Variants in MACROD2 observed in about 807,000 individuals in gnomAD.
The protein encoded by MACROD2 is ADP-ribose glycohydrolase MACROD2.
Under a neutral mutation model 70.4 loss-of-function variants are expected in MACROD2, and 36 were observed. That is an observed-to-expected ratio of 0.51 (90% CI 0.39 to 0.68). The LOEUF is 0.68. Ranked by LOEUF, MACROD2 falls within the 30% of genes least tolerant of loss-of-function variation. The probability of loss-of-function intolerance (pLI) is 0.00; values close to 1 mark genes in which losing one functional copy is unlikely to be tolerated. For synonymous variants in MACROD2, 172 were observed against 178.8 expected (o/e 0.96, Z 0.30); for missense variants, 496 against 538.4 (o/e 0.92, Z 0.78).
chr20:14,954,645 A>T (rs1257934869), intron 5 of MACROD2, among the ~76,000 whole-genome samples: 2 of 130,070 alleles, frequency 1.5e-5, no homozygotes, highest in South Asian at 4.4e-4. Context: ...AATATATAAT[A>T]TATATAATTT....
intron 2 of MACROD2, among the ~76,000 whole-genome samples, chr20:14,069,126 T>G (rs1367281518): frequency 6.6e-6 from 1 of 152,134 alleles, no homozygotes; most frequent in Non-Finnish European, 1.5e-5. Context: ...CTTTGTATTT[T>G]TAGTAGAAAT....
intron 5 of MACROD2, among the ~76,000 whole-genome samples, chr20:15,187,116 G>C (rs2076539693): frequency 6.6e-6 from 1 of 152,178 alleles, no homozygotes; most frequent in Admixed American, 6.5e-5. Context: ...CACTGCTTCA[G>C]ATCTCACTGG....
intron 3 of MACROD2, among the ~76,000 whole-genome samples, chr20:14,135,620 G>A (rs1223168567): frequency 6.6e-6 from 1 of 152,094 alleles, no homozygotes; most frequent in Non-Finnish European, 1.5e-5. Flanking sequence ...AGGTTGCAAT[G>A]AGCTATGATT....
Position 15,378,114 on chromosome 20 carries a change from T to C in MACROD2, c.541-53291T>C, listed in dbSNP as rs61017395. On this transcript the variant is annotated intron_variant, in intron 6 of 17. Transcript: ENST00000684519. ...ATGTAACAAACCTGCACGTTCTGCA[T>C]ATGTATCCCAGAACTTAAGCTATAA... 1.7e-3 allele frequency among the ~76,000 whole-genome samples: 254 copies of C among 151,348 alleles called. 1 individual carries two copies. Among genetic ancestry groups the C allele is most frequent in the African/African-American group, 5.8e-3 (238 of 41,170 alleles).
intron 4 of MACROD2, among the ~76,000 whole-genome samples, chr20:14,650,753 A>T (rs1237284496): frequency 6.6e-6 from 1 of 152,202 alleles, no homozygotes. Flanking sequence ...CATTGTTTAA[A>T]AAACATTGTT....
At chr20:14,530,785 A>C (rs2085293590) in intron 4 of MACROD2, among the ~76,000 whole-genome samples, 1 of 152,220 alleles carries the variant, frequency 6.6e-6, no homozygotes, top group Middle Eastern at 3.2e-3. Flanking sequence ...TTTCTCATTT[A>C]TGGCATACGT....
chr20:15,211,046 A>G (rs2076759324), intron 5 of MACROD2, among the ~76,000 whole-genome samples: 1 of 152,226 alleles, frequency 6.6e-6, no homozygotes, highest in African/African-American at 2.4e-5. Context: ...ATCTAATTCC[A>G]GAATATTTTT....
chr20:15,813,202 A>G (rs1485910613), intron 8 of MACROD2, among the ~76,000 whole-genome samples: 3 of 152,218 alleles, frequency 2.0e-5, no homozygotes, highest in Non-Finnish European at 4.4e-5. Context: ...CTAACTCAGC[A>G]ACTCAAAACC....
At chr20:14,535,787 G>A (rs1041624433) in intron 4 of MACROD2, among the ~76,000 whole-genome samples, 1 of 152,114 alleles carries the variant, frequency 6.6e-6, no homozygotes, top group Non-Finnish European at 1.5e-5. Context: ...TGTACCAACA[G>A]GCTTAAGCAT....
intron 1 of MACROD2, chr20:13,996,230 G>A (rs1216214377): frequency 1.4e-5 from 3 of 216,588 alleles, no homozygotes; most frequent in African/African-American, 2.4e-5. Context: ...TCAGGCTGCA[G>A]CTGCCGCTGT....
At chr20:15,470,606 G>A (rs1003295117) in intron 7 of MACROD2, among the ~76,000 whole-genome samples, 1 of 152,018 alleles carries the variant, frequency 6.6e-6, no homozygotes, top group Non-Finnish European at 1.5e-5. Flanking sequence ...ATCCCATCTT[G>A]GCTTGTGTCC....
chr20:14,308,702 A>G (rs1397147409), intron 3 of MACROD2, among the ~76,000 whole-genome samples: 4 of 152,174 alleles, frequency 2.6e-5, no homozygotes, highest in Non-Finnish European at 4.4e-5. Context: ...TCTCTGCCAC[A>G]TATTACAGTG....
At chr20:14,707,238 A>C (rs1339379348) in intron 5 of MACROD2, among the ~76,000 whole-genome samples, 1 of 152,144 alleles carries the variant, frequency 6.6e-6, no homozygotes, top group Non-Finnish European at 1.5e-5. Context: ...ACGGAGGAGC[A>C]CTGAGGGCAG....
intron 6 of MACROD2, among the ~76,000 whole-genome samples, chr20:15,327,666 ACAATT>A (rs1200157532): frequency 1.3e-5 from 2 of 152,100 alleles, no homozygotes; most frequent in Non-Finnish European, 2.9e-5. Context: ...TATGGGAACT[ACAATT>A]CAAGATGAAA....
At chr20:14,862,568 T>TATATATAA (rs2073370269) in intron 5 of MACROD2, among the ~76,000 whole-genome samples, 1 of 17,468 alleles carries the variant, frequency 5.7e-5, no homozygotes, top group Non-Finnish European at 1.3e-4. Context: ...AATATAAATA[T>TATATATAA]ATATAAATAT....
At chr20:15,760,028 A>T (rs2051412230) in intron 8 of MACROD2, among the ~76,000 whole-genome samples, 1 of 152,194 alleles carries the variant, frequency 6.6e-6, no homozygotes, top group African/African-American at 2.4e-5. Context: ...GAATAGAACC[A>T]TTCTCCCTTT....
At chr20:15,997,744 G>GT (rs1455139926) in intron 15 of MACROD2, among the ~76,000 whole-genome samples, 1 of 152,144 alleles carries the variant, frequency 6.6e-6, no homozygotes, top group African/African-American at 2.4e-5. Context: ...GAAGTGGTGA[G>GT]TAGGGGCATC....
intron 6 of MACROD2, among the ~76,000 whole-genome samples, chr20:15,389,477 C>T (rs1425582056): frequency 6.6e-6 from 1 of 152,170 alleles, no homozygotes; most frequent in African/African-American, 2.4e-5. Context: ...ACCGTTGAAG[C>T]CTGATGCCAG....
intron 6 of MACROD2, among the ~76,000 whole-genome samples, chr20:15,424,057 C>G (rs2046265168): frequency 6.6e-6 from 1 of 151,532 alleles, no homozygotes. Flanking sequence ...CCTCTAGTGG[C>G]ACTAATCCCA....
Sources: allele counts gnomAD v4.1 joint callset (sites outside exome capture counted in the v4.1 genomes callset), GRCh38; gene constraint gnomAD v4.1.1; transcripts MANE v1.5; gene names NCBI Gene and HGNC (gene_info 2026-07-23, HGNC 2026-07-21).